Variants in ITGA9 observed in about 807,000 individuals in gnomAD.
The protein encoded by ITGA9 is integrin subunit alpha 9, also known as integrin alpha-9.
ITGA9 carries 56 observed loss-of-function variants against 127.8 expected under a neutral mutation model. That is an observed-to-expected ratio of 0.44 (90% CI 0.35 to 0.55). The LOEUF (loss-of-function observed/expected upper bound fraction) is 0.55, where lower values mean the gene tolerates loss of function less well. Among genes scored for constraint, ITGA9 ranks in the 20% least tolerant of loss-of-function variants. ITGA9 has a pLI of 0.00. For synonymous variants in ITGA9, 508 were observed against 514.5 expected, an observed-to-expected ratio of 0.99 and a Z score of 0.17; for missense variants, 1,196 against 1,347.1, an observed-to-expected ratio of 0.89 and a Z score of 1.76.
At chr3:37,494,415 T>A (rs1698705388) in intron 4 of ITGA9, 86 bp from the exon 5 acceptor site, 3 of 950,796 alleles carry the variant, frequency 3.2e-6, no homozygotes, top group Admixed American at 3.9e-5. Flanking sequence ...TCGTGGGAAG[T>A]GGCTGGCTGG....
chr3:37,636,223 G>A (rs1370681155), intron 16 of ITGA9, among the ~76,000 whole-genome samples: 1 of 152,158 alleles, frequency 6.6e-6, no homozygotes, highest in African/African-American at 2.4e-5. Context: ...TTCCACAATG[G>A]TTGAACTAGT....
chr3:37,757,790 A>C (rs1488680398), intron 23 of ITGA9, among the ~76,000 whole-genome samples: 2 of 151,776 alleles, frequency 1.3e-5, no homozygotes, highest in African/African-American at 4.9e-5. Flanking sequence ...CCTATATCTT[A>C]AAAAAAATCA....
rs182432358 is a variant in ITGA9, at chr3:37,590,036, G to T, written c.1690-39151G>T. Among the ~76,000 whole-genome samples, 47 of 152,256 alleles carry T rather than the reference G, an allele frequency of 3.1e-4. No homozygotes were observed. The East Asian group carries it at 8.7e-3, about 28-fold the overall frequency. ...AGCCGCCATCCCCTAACAGGTAGAGGTGTGCCCTGGGTCCACTCCCTCAAG... is the reference window on the plus strand; with the variant it reads ...AGCCGCCATCCCCTAACAGGTAGAGTTGTGCCCTGGGTCCACTCCCTCAAG... On this transcript the variant is annotated intron_variant, in intron 15 of 27. Coordinates refer to ENST00000264741, the MANE Select transcript of ITGA9 (RefSeq NM_002207.3).
At chr3:37,481,632 A>AT in intron 4 of ITGA9, 25 bp downstream of exon 4, 1 of 1,613,894 alleles carries the variant, frequency 6.2e-7, no homozygotes, top group Non-Finnish European at 8.5e-7. Flanking sequence ...ATTTTTCCTC[A>AT]TCCCCCTACC....
At chr3:37,565,342 T>G (rs1699535164) in intron 15 of ITGA9, among the ~76,000 whole-genome samples, 2 of 152,218 alleles carry the variant, frequency 1.3e-5, no homozygotes, top group South Asian at 4.1e-4. Flanking sequence ...AGTGTTGTCC[T>G]AGACTGGGGT....
Position 37,758,317 on chromosome 3 carries a change from G to A in ITGA9, c.2541+7748G>A, listed in dbSNP as rs1192430800. 1.1e-4 allele frequency among the ~76,000 whole-genome samples: 9 copies of A among 81,780 alleles called. No homozygotes were observed. In the South Asian group the frequency reaches 3.0e-3, roughly 27 times the overall value. The allele number at this position is 81,780 out of a possible 152,430, so 53.7% of individuals were successfully genotyped here. ...CGCAGTCCGGCCTGGGCGACAGAGC[G>A]AGACTCCGTCTCAAAAAAAAAAAAA... On this transcript the variant is annotated intron_variant, in intron 23 of 27. Transcript: ENST00000264741.
At chr3:37,651,698 GC>G (rs1482577302) in intron 16 of ITGA9, among the ~76,000 whole-genome samples, 1 of 152,206 alleles carries the variant, frequency 6.6e-6, no homozygotes, top group Non-Finnish European at 1.5e-5. Context: ...GCCTGAACTT[GC>G]CCAGGGACTC....
At chr3:37,567,103 T>G (rs1370979234) in intron 15 of ITGA9, among the ~76,000 whole-genome samples, 1 of 152,164 alleles carries the variant, frequency 6.6e-6, no homozygotes, top group East Asian at 1.9e-4. Context: ...TACCCGAGAT[T>G]GGGTAAATTA....
intron 17 of ITGA9, among the ~76,000 whole-genome samples, chr3:37,668,774 C>A (rs577615584): frequency 4.9e-4 from 74 of 152,338 alleles, no homozygotes; most frequent in African/African-American, 1.8e-3. Flanking sequence ...CCTGATATAA[C>A]CTCAGGTGAA....
At chr3:37,614,423 G>C (rs1700054981) in intron 15 of ITGA9, among the ~76,000 whole-genome samples, 1 of 152,130 alleles carries the variant, frequency 6.6e-6, no homozygotes, top group African/African-American at 2.4e-5. Flanking sequence ...TGTTCTTTTG[G>C]CTTAGGATTG....
intron 15 of ITGA9, among the ~76,000 whole-genome samples, chr3:37,584,533 G>A (rs1699738705): frequency 6.6e-6 from 1 of 152,106 alleles, no homozygotes; most frequent in Admixed American, 6.6e-5. Flanking sequence ...AAGGCAGGTG[G>A]ATCATGAGGT....
intron 1 of ITGA9, among the ~76,000 whole-genome samples, chr3:37,457,557 G>C (rs1328863144): frequency 6.6e-6 from 1 of 152,218 alleles, no homozygotes; most frequent in African/African-American, 2.4e-5. Context: ...TCCTGTGCCA[G>C]ACTCTAGGGG....
intron 20 of ITGA9, 113 bp downstream of exon 20, chr3:37,737,096 G>T (rs958810755): frequency 2.6e-6 from 2 of 781,490 alleles, no homozygotes; most frequent in African/African-American, 3.4e-5. Flanking sequence ...GGAAGAAATG[G>T]TTACTCAGTG....
chr3:37,712,614 CTCTT>C (rs1701091260), intron 18 of ITGA9, among the ~76,000 whole-genome samples: 1 of 152,222 alleles, frequency 6.6e-6, no homozygotes, highest in Admixed American at 6.5e-5. Flanking sequence ...GTCATAGTGT[CTCTT>C]TCTCTCTCTC....
Position 37,629,212 on chromosome 3 carries a change from C to A in ITGA9, c.1715C>A (p.Pro572Gln), listed in dbSNP as rs1483630814. 6.2e-7 allele frequency: 1 copy of A among 1,613,112 alleles called. No homozygotes were observed. Among genetic ancestry groups the A allele is most frequent in the South Asian group, 1.1e-5 (1 of 91,024 alleles). ...VKRRVQDVIS[P>Q]IVFEAAYSLS... ...CGGAGGGTGCAGGACGTCATCAGCC[C>A]GATCGTGTTTGAAGCAGCCTACAGC... Residue 572 changes from proline (P) to glutamine (Q), a missense_variant, in exon 16 of 28, where the codon CCG (proline) becomes CAG (glutamine). Coordinates refer to ENST00000264741, the MANE Select transcript of ITGA9 (RefSeq NM_002207.3). This position sits in a 1 kb window ranked among gnomAD's most constrained non-coding sequence, Gnocchi z 4.5.
At chr3:37,594,076 C>T (rs781319790) in intron 15 of ITGA9, among the ~76,000 whole-genome samples, 12 of 152,256 alleles carry the variant, frequency 7.9e-5, no homozygotes, top group Non-Finnish European at 1.6e-4. Flanking sequence ...GCTGCTGCCA[C>T]ACGTGGGGCC....
At chr3:37,599,387 G>A (rs969370238) in intron 15 of ITGA9, among the ~76,000 whole-genome samples, 2 of 152,214 alleles carry the variant, frequency 1.3e-5, no homozygotes, top group East Asian at 3.8e-4. Flanking sequence ...CTGGGCCAAT[G>A]CCTATCATCA....
chr3:37,639,806 C>T (rs1700315031), intron 16 of ITGA9, among the ~76,000 whole-genome samples: 1 of 152,074 alleles, frequency 6.6e-6, no homozygotes, highest in Non-Finnish European at 1.5e-5. Flanking sequence ...GCTAGTTGGT[C>T]TCAGCTGCTG....
chr3:37,534,901 A>T (rs1224984065), intron 14 of ITGA9, among the ~76,000 whole-genome samples: 1 of 152,234 alleles, frequency 6.6e-6, no homozygotes, highest in Admixed American at 6.5e-5. Flanking sequence ...ATTGTTTAAG[A>T]TACTACAGTC....
Sources: allele counts gnomAD v4.1 joint callset (sites outside exome capture counted in the v4.1 genomes callset), GRCh38; gene constraint gnomAD v4.1.1; non-coding constraint Gnocchi (gnomAD v3.1); transcripts MANE v1.5; gene names NCBI Gene and HGNC (gene_info 2026-07-23, HGNC 2026-07-21).